The following CYB5R3 variants were observed in gnomAD, a reference collection of about 807,000 sequenced individuals.
CYB5R3 encodes cytochrome b5 reductase 3.
In CYB5R3, 28 loss-of-function variants were observed where a neutral mutation model predicts 36.5. That is an observed-to-expected ratio of 0.77 (90% CI 0.57 to 1.05). The LOEUF is 1.05. CYB5R3 is among the 50% of genes least tolerant of loss of function. CYB5R3 has a pLI of 0.00. For missense variants in CYB5R3, 474 were observed against 408.9 expected (o/e 1.16, Z -1.37); for synonymous variants, 181 against 159.8 (o/e 1.13, Z -1.00).
At chr22:42,623,607 G>C (rs1928102377) in intron 8 of CYB5R3, among the ~76,000 whole-genome samples, 182 bp downstream of exon 8, 1 of 152,212 alleles carries the variant, frequency 6.6e-6, no homozygotes. Flanking sequence ...GTGGTTTCCG[G>C]CTGTGTGGCT....
At chr22:42,630,561 C>T (rs911962080) in intron 4 of CYB5R3, among the ~76,000 whole-genome samples, 3 of 152,240 alleles carry the variant, frequency 2.0e-5, no homozygotes, top group Non-Finnish European at 4.4e-5. Flanking sequence ...TTTGAAGGCA[C>T]TTGCCCTGAA....
Position 42,649,347 on chromosome 22 carries a change from G to A in CYB5R3, c.-32C>T, listed in dbSNP as rs1186211229. On this transcript the variant is annotated 5_prime_UTR_variant, in exon 1 of 9. Coordinates refer to ENST00000352397, the MANE Select transcript of CYB5R3 (RefSeq NM_000398.7). The stretch of plus-strand genomic sequence containing the variant: ...CCCGCGCCGCGCTCGCTCTGTCGCC[G>A]CCGCCGCCGCCGCCGAGACCGTCGC... 5 of 880,900 alleles carry A rather than the reference G, an allele frequency of 5.7e-6. No homozygotes were observed. Among genetic ancestry groups the A allele is most frequent in the Non-Finnish European group, 5.6e-6 (4 of 719,992 alleles). The allele number at this position is 880,900 out of a possible 1,614,324, so 54.6% of individuals were successfully genotyped here.
At chr22:42,625,376 C>T (rs938130763) in intron 7 of CYB5R3, among the ~76,000 whole-genome samples, 1 of 151,950 alleles carries the variant, frequency 6.6e-6, no homozygotes, top group African/African-American at 2.4e-5. Context: ...GATGTGGTGG[C>T]GGGCACCTGT....
intron 1 of CYB5R3, among the ~76,000 whole-genome samples, chr22:42,645,165 T>C (rs6002848): frequency 0.3 from 46,326 of 152,040 alleles, 7,463 homozygotes; most frequent in East Asian, 0.58. Context: ...AACCCCAGGC[T>C]GCCGGCTCCC....
chr22:42,642,796 T>C (rs1929348450), intron 1 of CYB5R3, among the ~76,000 whole-genome samples: 1 of 152,234 alleles, frequency 6.6e-6, no homozygotes, highest in Admixed American at 6.5e-5. Context: ...GTAGTTCAAC[T>C]AGAGAGGCTG....
At chr22:42,630,102 T>C (rs1569320449) in intron 4 of CYB5R3, among the ~76,000 whole-genome samples, 1 of 152,116 alleles carries the variant, frequency 6.6e-6, no homozygotes, top group Non-Finnish European at 1.5e-5. Context: ...GGCTGAAAGC[T>C]TGTATTTCTA....
intron 1 of CYB5R3, among the ~76,000 whole-genome samples, chr22:42,645,640 C>T (rs912397358): frequency 2.6e-5 from 4 of 152,252 alleles, no homozygotes; most frequent in Non-Finnish European, 5.9e-5. Flanking sequence ...CGGAGCCAGG[C>T]GGGCAGCCTC....
intron 1 of CYB5R3, among the ~76,000 whole-genome samples, chr22:42,638,598 G>A (rs904680751): frequency 3.4e-5 from 5 of 149,188 alleles, no homozygotes; most frequent in East Asian, 3.9e-4. Context: ...ATCCCTGGGC[G>A]GGCACAGTGG....
intron 2 of CYB5R3, among the ~76,000 whole-genome samples, chr22:42,634,480 CTT>C (rs1928778241): frequency 6.6e-6 from 1 of 151,958 alleles, no homozygotes; most frequent in African/African-American, 2.4e-5. Context: ...GAGTTTCGCT[CTT>C]GTCACCCAGG....
Position 42,619,799 on chromosome 22 carries a change from G to A in CYB5R3, c.880C>T (p.Pro294Ser). 6.3e-7 allele frequency: 1 copy of A among 1,594,926 alleles called. No individual in the cohort carries two copies. The highest frequency in any genetic ancestry group is 8.5e-7 in the Non-Finnish European group (1 of 1,173,164). ...CAGAAGACGAAGCAGCGCTCCGTGG[G>A]GTGGCCCACGTGGTCCAGGTTGGGA... ...CLPNLDHVGH[P>S]TERCFVF Residue 294 changes from proline to serine, a missense_variant, in exon 9 of 9, where the codon CCC (proline) becomes TCC (serine). By Grantham distance (74) the Pro-to-Ser change is moderately conservative (BLOSUM62 -1). Transcript: ENST00000352397.
rs200909784 is a variant in CYB5R3 at position 42,628,296 on chromosome 22, C to G, written c.334-15G>C. ...TTGAAGTAAACCTGCAAGACACCCC[C>G]GCAGCCCTCAGTCCCCAGCTCCAGG... On this transcript the variant is annotated splice_polypyrimidine_tract_variant and intron_variant, in intron 4 of 8. Transcript: ENST00000352397. 6.2e-7 allele frequency: 1 copy of G among 1,613,112 alleles called. No individual in the cohort carries two copies. Among genetic ancestry groups the G allele is most frequent in the Non-Finnish European group, 8.5e-7 (1 of 1,179,418 alleles).
intron 7 of CYB5R3, among the ~76,000 whole-genome samples, 190 bp downstream of exon 7, chr22:42,627,114 G>A (rs111480218): frequency 3.3e-5 from 5 of 152,156 alleles, no homozygotes; most frequent in African/African-American, 4.8e-5. Flanking sequence ...AGACACAGGC[G>A]CTGCACCACA....
At chr22:42,639,092 G>T (rs78852336) in intron 1 of CYB5R3, 58,112 of 421,544 alleles carry the variant, frequency 0.14, 5,794 homozygotes, top group East Asian at 0.59. Context: ...CACTTTGGGA[G>T]CCCAAGGCAG....
intron 8 of CYB5R3, 140 bp from the exon 9 acceptor site, chr22:42,620,085 GC>G (rs1346151417): frequency 3.6e-6 from 3 of 841,780 alleles, no homozygotes; most frequent in African/African-American, 1.7e-5. Flanking sequence ...AGGACCCCCT[GC>G]CCCCAACCCT....
chr22:42,646,336 C>A (rs1162843187), intron 1 of CYB5R3, among the ~76,000 whole-genome samples: 1 of 152,160 alleles, frequency 6.6e-6, no homozygotes, highest in Non-Finnish European at 1.5e-5. Flanking sequence ...ACCCATCACC[C>A]GCCTCTCCTT....
intron 1 of CYB5R3, among the ~76,000 whole-genome samples, chr22:42,643,152 A>C (rs557632064): frequency 6.6e-6 from 1 of 152,290 alleles, no homozygotes; most frequent in East Asian, 1.9e-4. Flanking sequence ...CCCCTTCTGG[A>C]AACACTACCA....
At chr22:42,628,500 G>A (rs554788459) in intron 4 of CYB5R3, among the ~76,000 whole-genome samples, 49 of 152,222 alleles carry the variant, frequency 3.2e-4, no homozygotes, top group African/African-American at 7.0e-4. Flanking sequence ...TGACATATCC[G>A]GGGAAAGCAA....
intron 8 of CYB5R3, among the ~76,000 whole-genome samples, chr22:42,620,845 G>A (rs1927926126): frequency 6.6e-6 from 1 of 152,214 alleles, no homozygotes; most frequent in Non-Finnish European, 1.5e-5. Context: ...CTGCTGGGAA[G>A]CCTGGAGTGA....
At position 42,621,680 on chromosome 22, in the gene CYB5R3, G is replaced by A. The variant is rs562100570; in HGVS notation, c.734-1735C>T. The stretch of plus-strand genomic sequence containing the variant: ...GTAACTGTCCCGTGGTGGTGGTGCA[G>A]GTGCTGCTGCCTGTTGCCACCAGGG... On this transcript the variant is annotated intron_variant, in intron 8 of 8. Transcript: ENST00000352397. Among the ~76,000 whole-genome samples the A allele has an allele frequency of 7.2e-5, 11 of 152,366 alleles. No individual in the cohort carries two copies. In the South Asian group the frequency reaches 1.9e-3, roughly 26 times the overall value.
Sources: gnomAD v4.1 joint callset for allele counts (sites outside exome capture counted in the v4.1 genomes callset) on GRCh38, gnomAD v4.1.1 for gene constraint, MANE v1.5 for transcripts, NCBI Gene and HGNC (gene_info 2026-07-23, HGNC 2026-07-21) for gene names.